Variants in FHIT observed in about 807,000 individuals in gnomAD.
The protein encoded by FHIT is fragile histidine triad diadenosine triphosphatase.
A neutral mutation model predicts 17.9 loss-of-function variants in FHIT; 19 were observed. That is an observed-to-expected ratio of 1.06 (90% confidence interval 0.74 to 1.56). FHIT has a LOEUF of 1.56. Among genes scored for constraint, FHIT ranks in the 40% most tolerant of loss-of-function variants. FHIT has a pLI of 0.00. For synonymous variants in FHIT, 81 were observed against 69.7 expected, an observed-to-expected ratio of 1.16 and a Z score of -0.81; for missense variants, 248 against 189.2, an observed-to-expected ratio of 1.31 and a Z score of -1.82.
At chr3:61,132,329 T>C (rs2036787939) in intron 2 of FHIT, among the ~76,000 whole-genome samples, 1 of 152,218 alleles carries the variant, frequency 6.6e-6, no homozygotes, top group Admixed American at 6.5e-5. Context: ...TTTCCATTTC[T>C]TGTCTCCCTT....
chr3:60,677,836 T>A (rs2040659026), intron 4 of FHIT, among the ~76,000 whole-genome samples: 1 of 152,208 alleles, frequency 6.6e-6, no homozygotes, highest in Admixed American at 6.5e-5. Flanking sequence ...ATTGATTCAA[T>A]CTTACTATTC....
chr3:60,362,082 A>C (rs574601923), intron 5 of FHIT, among the ~76,000 whole-genome samples: 1 of 152,276 alleles, frequency 6.6e-6, no homozygotes, highest in South Asian at 2.1e-4. Flanking sequence ...TTTAAAAAAA[A>C]ATAATTTTAT....
rs62238406 is a variant in FHIT at position 60,042,628 on chromosome 3, G to A, written c.104-28476C>T. Among the ~76,000 whole-genome samples, 697 of 152,008 alleles carry A rather than the reference G, an allele frequency of 4.6e-3. 2 individuals carry two copies. The highest frequency in any genetic ancestry group is 8.2e-3 in the Non-Finnish European group (556 of 68,006). On this transcript the variant is annotated intron_variant, in intron 5 of 9. Transcript: ENST00000492590. ...AAGAATACAAGTCATATTGCACTAGGGCCCACCCCAGTGACCTCATCTTAA... is the reference window on the plus strand; with the variant it reads ...AAGAATACAAGTCATATTGCACTAGAGCCCACCCCAGTGACCTCATCTTAA...
chr3:60,013,836 T>C (rs964021383), intron 6 of FHIT, among the ~76,000 whole-genome samples, 171 bp downstream of exon 6: 2 of 152,198 alleles, frequency 1.3e-5, no homozygotes, highest in East Asian at 1.9e-4. Context: ...ACGGTCCATC[T>C]TGGGGCCAAT....
chr3:60,074,545 A>G (rs1702921663), intron 5 of FHIT, among the ~76,000 whole-genome samples: 1 of 152,038 alleles, frequency 6.6e-6, no homozygotes, highest in Non-Finnish European at 1.5e-5. Flanking sequence ...TTTAGAAATG[A>G]GTTTCTGTCT....
At chr3:60,355,849 G>C (rs1699632503) in intron 5 of FHIT, among the ~76,000 whole-genome samples, 2 of 152,214 alleles carry the variant, frequency 1.3e-5, no homozygotes, top group East Asian at 3.9e-4. Flanking sequence ...ACCTTATTTA[G>C]AGAGTAGGTA....
At chr3:60,065,437 A>T (rs114742895) in intron 5 of FHIT, among the ~76,000 whole-genome samples, 3 of 152,088 alleles carry the variant, frequency 2.0e-5, no homozygotes, top group Non-Finnish European at 4.4e-5. Flanking sequence ...GTTGAATAAG[A>T]TCATGCACAT....
chr3:61,115,484 G>T (rs980950085), intron 2 of FHIT, among the ~76,000 whole-genome samples: 3 of 152,084 alleles, frequency 2.0e-5, no homozygotes, highest in Non-Finnish European at 4.4e-5. Context: ...TGGGAGATAG[G>T]CAAGGAGGGG....
chr3:60,828,126 T>G (rs1702191582), intron 3 of FHIT, among the ~76,000 whole-genome samples: 2 of 152,212 alleles, frequency 1.3e-5, no homozygotes, highest in African/African-American at 4.8e-5. Context: ...GGATAATAAC[T>G]TTGGCTTCCT....
rs1245299450 is a variant in FHIT, at chr3:61,021,120, C to T, written c.-111+20927G>A. Among the ~76,000 whole-genome samples the T allele has an allele frequency of 3.3e-5, 5 of 152,116 alleles. No individual in the cohort carries two copies. In the South Asian group the frequency reaches 6.2e-4, roughly 19 times the overall value. ...CACCCCACTGTCAATATTAGATCAA[C>T]GAGAGAGAAAACTAACAAGAATATT... On this transcript the variant is annotated intron_variant, in intron 3 of 9. Transcript: ENST00000492590.
chr3:60,869,245 A>C (rs982127031), intron 3 of FHIT, among the ~76,000 whole-genome samples: 3 of 152,158 alleles, frequency 2.0e-5, no homozygotes, highest in Non-Finnish European at 2.9e-5. Flanking sequence ...ATTGGCTTGA[A>C]GTACAGAATG....
rs539207839 is a variant in FHIT, at chr3:60,082,465, G to GTTTAT, written c.104-68314_104-68313insATAAA. Among the ~76,000 whole-genome samples, 142 of 152,148 alleles carry GTTTAT rather than the reference G, an allele frequency of 9.3e-4. 2 individuals carry two copies. Among genetic ancestry groups the GTTTAT allele is most frequent in the South Asian group, 2.1e-3 (10 of 4,818 alleles). ...GTAGATGTATCAGTTTGGTGGAACA[G>GTTTAT]TTTCTTTTCTTTTGAATATATATCC... On this transcript the variant is annotated intron_variant, in intron 5 of 9. Coordinates refer to ENST00000492590, the MANE Select transcript of FHIT (RefSeq NM_002012.4).
intron 4 of FHIT, among the ~76,000 whole-genome samples, chr3:60,790,919 A>G (rs12632664): frequency 0.27 from 40,824 of 152,030 alleles, 5,910 homozygotes; most frequent in Middle Eastern, 0.34. Flanking sequence ...TTTGTGGGAA[A>G]CCTCTGTACT....
chr3:60,340,025 T>A (rs545798780), intron 5 of FHIT, among the ~76,000 whole-genome samples: 1 of 152,314 alleles, frequency 6.6e-6, no homozygotes, highest in South Asian at 2.1e-4. Context: ...TGTCAAATTA[T>A]GCTCTGGCAC....
At chr3:61,079,949 T>C (rs2035084427) in intron 2 of FHIT, among the ~76,000 whole-genome samples, 1 of 152,204 alleles carries the variant, frequency 6.6e-6, no homozygotes, top group Non-Finnish European at 1.5e-5. Flanking sequence ...AAATGGAACA[T>C]GTCCTATATA....
intron 2 of FHIT, among the ~76,000 whole-genome samples, chr3:61,044,123 T>C (rs1360154144): frequency 3.9e-5 from 6 of 152,270 alleles, no homozygotes; most frequent in Non-Finnish European, 2.9e-5. Flanking sequence ...CAAAGCTGGA[T>C]GGAGAATGAA....
chr3:60,878,407 G>A (rs1310427981), intron 3 of FHIT, among the ~76,000 whole-genome samples: 5 of 152,062 alleles, frequency 3.3e-5, no homozygotes, highest in Non-Finnish European at 7.4e-5. Flanking sequence ...TATCCCCATT[G>A]TGAGGAAAAT....
chr3:60,748,007 G>A (rs2042392563), intron 4 of FHIT, among the ~76,000 whole-genome samples: 1 of 152,170 alleles, frequency 6.6e-6, no homozygotes, highest in African/African-American at 2.4e-5. Flanking sequence ...ATCTATTATA[G>A]GAATGCTAAG....
chr3:60,971,307 T>G (rs1709996127), intron 3 of FHIT, among the ~76,000 whole-genome samples: 1 of 152,180 alleles, frequency 6.6e-6, no homozygotes, highest in African/African-American at 2.4e-5. Flanking sequence ...GAGGTTTCAG[T>G]GAGCAGCCTG....
Sources: allele counts gnomAD v4.1 joint callset (sites outside exome capture counted in the v4.1 genomes callset), GRCh38; gene constraint gnomAD v4.1.1; transcripts MANE v1.5; gene names NCBI Gene and HGNC (gene_info 2026-07-23, HGNC 2026-07-21).